Variants in FRMD4A observed in about 807,000 individuals in gnomAD.
FRMD4A encodes FERM domain containing 4A.
Under a neutral mutation model 129.1 loss-of-function variants are expected in FRMD4A, and 29 were observed. The ratio of observed to expected loss-of-function variants is 0.22; its 90% CI spans 0.17 to 0.31. The LOEUF (loss-of-function observed/expected upper bound fraction) is 0.31, where lower values mean the gene tolerates loss of function less well. FRMD4A is among the 10% of genes least tolerant of loss of function. The probability of loss-of-function intolerance (pLI) is 1.00; values close to 1 mark genes in which losing one functional copy is unlikely to be tolerated. For synonymous variants in FRMD4A, 634 were observed against 571.6 expected (o/e 1.11, Z -1.56); for missense variants, 1,272 against 1,375.8 (o/e 0.92, Z 1.19).
At chr10:14,285,691 G>A (rs1441026300) in intron 2 of FRMD4A, among the ~76,000 whole-genome samples, 2 of 152,204 alleles carry the variant, frequency 1.3e-5, no homozygotes, top group Non-Finnish European at 2.9e-5. Flanking sequence ...CAGGTGTTAA[G>A]TACTTATTGT....
chr10:14,139,071 T>C (rs1351498989), intron 2 of FRMD4A, among the ~76,000 whole-genome samples: 1 of 152,242 alleles, frequency 6.6e-6, no homozygotes, highest in African/African-American at 2.4e-5. Context: ...GTGGCAAGTA[T>C]CTGTGTCCTA....
At chr10:14,119,466 G>C (rs988374380) in intron 2 of FRMD4A, among the ~76,000 whole-genome samples, 13 of 152,196 alleles carry the variant, frequency 8.5e-5, no homozygotes, top group African/African-American at 2.7e-4. Flanking sequence ...CGTTCATCTA[G>C]GAATGAAGCC....
At chr10:14,043,138 CAGA>C (rs1833852281) in intron 2 of FRMD4A, among the ~76,000 whole-genome samples, 1 of 151,976 alleles carries the variant, frequency 6.6e-6, no homozygotes, top group Non-Finnish European at 1.5e-5. Flanking sequence ...CTTTTACTTC[CAGA>C]AGGTTACCAT....
intron 2 of FRMD4A, among the ~76,000 whole-genome samples, chr10:14,002,083 T>A (rs934126984): frequency 6.6e-6 from 1 of 152,184 alleles, no homozygotes; most frequent in Non-Finnish European, 1.5e-5. Flanking sequence ...CATCATATAA[T>A]GAATGATGTG....
At position 13,657,158 on chromosome 10, in the gene FRMD4A, C is replaced by G. The variant is rs1472021813; in HGVS notation, c.2431G>C (p.Gly811Arg). The G allele has an allele frequency of 1.3e-6, 2 of 1,485,206 alleles. No individual in the cohort carries two copies. The highest frequency in any genetic ancestry group is 2.8e-5 in the East Asian group (1 of 35,658). 92.0% of individuals were successfully genotyped at this position (1,485,206 alleles called of 1,614,324 possible). A position where few individuals can be genotyped will look rare whatever the true frequency, so the allele number is the denominator to read the frequency against. Residue 811 changes from glycine (G) to arginine (R), a missense_variant, in exon 22 of 25, where the codon GGG (glycine) becomes CGG (arginine). Around this residue, in one of 2 missense-constraint regions of FRMD4A, gnomAD observed 972 missense variants for 892.3 expected, o/e 1.09. Coordinates refer to ENST00000357447, the MANE Select transcript of FRMD4A (RefSeq NM_018027.5). ...MPNLAARGGAGGAGGAGGGVY... is the reference protein window; with the variant it reads ...MPNLAARGGARGAGGAGGGVY... ...CCGCCCCCCGCGCCCCCCGCGCCCC[C>G]CGCACCCCCGCGCGCCGCCAGGTTG... is the stretch of plus-strand genomic sequence containing the variant.
At chr10:14,172,522 T>C (rs751823179) in intron 2 of FRMD4A, among the ~76,000 whole-genome samples, 1 of 152,200 alleles carries the variant, frequency 6.6e-6, no homozygotes, top group Non-Finnish European at 1.5e-5. Context: ...CTACGAGAGT[T>C]GTACTCGCGT....
intron 3 of FRMD4A, among the ~76,000 whole-genome samples, chr10:13,840,576 G>A (rs917629620): frequency 9.9e-6 from 1 of 101,266 alleles, no homozygotes; most frequent in African/African-American, 3.7e-5. Flanking sequence ...ATCACTTGAG[G>A]TCAGGAGTTC....
intron 2 of FRMD4A, among the ~76,000 whole-genome samples, chr10:14,310,171 T>G (rs932192356): frequency 0.067 from 6 of 90 alleles, no homozygotes; most frequent in Non-Finnish European, 0.093. Flanking sequence ...AGCATTTTGC[T>G]CAGCCCTTCC....
At chr10:13,766,522 T>C (rs186164688) in intron 6 of FRMD4A, among the ~76,000 whole-genome samples, 9 of 152,324 alleles carry the variant, frequency 5.9e-5, no homozygotes, top group African/African-American at 2.2e-4. Flanking sequence ...TTAACATGCA[T>C]TGAATTTAAG....
At chr10:13,757,485 G>A (rs1810487622) in intron 8 of FRMD4A, among the ~76,000 whole-genome samples, 1 of 152,184 alleles carries the variant, frequency 6.6e-6, no homozygotes, top group African/African-American at 2.4e-5. Context: ...CATCTATCTA[G>A]ATAACAGTCA....
intron 2 of FRMD4A, among the ~76,000 whole-genome samples, chr10:14,136,143 G>T (rs1007300156): frequency 1.3e-5 from 2 of 152,136 alleles, no homozygotes; most frequent in African/African-American, 4.8e-5. Context: ...GAGACAGTGA[G>T]AGAAACTCAG....
chr10:13,839,977 A>G (rs1343246821), intron 3 of FRMD4A, among the ~76,000 whole-genome samples: 2 of 152,182 alleles, frequency 1.3e-5, no homozygotes, highest in Non-Finnish European at 2.9e-5. Flanking sequence ...TCCCTATAAA[A>G]ATGACGGAGT....
At chr10:14,008,598 T>G in intron 2 of FRMD4A, 3 of 713,564 alleles carry the variant, frequency 4.2e-6, no homozygotes, top group African/African-American at 1.9e-5. Context: ...ATCACGTGAC[T>G]CCCAAGCCCC....
At chr10:13,753,270 C>T (rs1298591138) in intron 8 of FRMD4A, among the ~76,000 whole-genome samples, 11 of 152,164 alleles carry the variant, frequency 7.2e-5, no homozygotes, top group South Asian at 4.1e-4. Context: ...TGCCTATCTC[C>T]GCCCAATCAC....
At chr10:14,261,064 A>G (rs1844784058) in intron 2 of FRMD4A, among the ~76,000 whole-genome samples, 1 of 152,112 alleles carries the variant, frequency 6.6e-6, no homozygotes, top group African/African-American at 2.4e-5. Context: ...CAATAAACAT[A>G]TGGGACTGAG....
At chr10:13,688,637 A>G (rs1031517988) in intron 15 of FRMD4A, among the ~76,000 whole-genome samples, 1 of 152,122 alleles carries the variant, frequency 6.6e-6, no homozygotes, top group African/African-American at 2.4e-5. Context: ...TCTACAGTCA[A>G]CTATGTTGAC....
chr10:13,954,223 G>T (rs1428589241), intron 2 of FRMD4A, among the ~76,000 whole-genome samples: 4 of 152,134 alleles, frequency 2.6e-5, no homozygotes, highest in Non-Finnish European at 5.9e-5. Context: ...GGCTATATTA[G>T]TCTGTTCTCA....
At chr10:14,154,026 G>A (rs1012230462) in intron 2 of FRMD4A, among the ~76,000 whole-genome samples, 4 of 152,048 alleles carry the variant, frequency 2.6e-5, no homozygotes, top group African/African-American at 7.2e-5. Context: ...CCCCTGCTTG[G>A]CCTCTTAGCT....
At chr10:14,110,910 C>A (rs917221100) in intron 2 of FRMD4A, among the ~76,000 whole-genome samples, 4 of 152,200 alleles carry the variant, frequency 2.6e-5, no homozygotes, top group African/African-American at 9.7e-5. Flanking sequence ...TAGGTCACTG[C>A]AGCCTTGAAT....
Sources: allele counts gnomAD v4.1 joint callset (sites outside exome capture counted in the v4.1 genomes callset), GRCh38; gene constraint gnomAD v4.1.1; regional missense constraint gnomAD v4.1.1; transcripts MANE v1.5; gene names NCBI Gene and HGNC (gene_info 2026-07-23, HGNC 2026-07-21).